Variants in VWA2 observed in about 807,000 individuals in gnomAD.
VWA2 encodes von Willebrand factor A domain-containing protein 2.
A neutral mutation model predicts 70.4 loss-of-function variants in VWA2; 73 were observed. The observed-to-expected ratio is 1.04, with a 90% confidence interval of 0.86 to 1.26. The LOEUF (loss-of-function observed/expected upper bound fraction) is 1.26. Among genes scored for constraint, VWA2 ranks in the 50% most tolerant of loss-of-function variants. The pLI is 0.00. For missense variants in VWA2, 1,011 were observed against 998.5 expected (o/e 1.01, Z -0.17); for synonymous variants, 407 against 423.3 (o/e 0.96, Z 0.47).
At chr10:114,277,852 A>G (rs2037883228) in intron 6 of VWA2, 62 bp from the exon 7 acceptor site, 10 of 1,537,818 alleles carry the variant, frequency 6.5e-6, no homozygotes, top group Non-Finnish European at 8.8e-6. Flanking sequence ...ACGGCCTAGA[A>G]GATGAGGGGG....
intron 2 of VWA2, among the ~76,000 whole-genome samples, chr10:114,253,430 A>G (rs74652100): frequency 0.012 from 1,762 of 142,026 alleles, 32 homozygotes; most frequent in African/African-American, 0.045. Context: ...CTTTGTCTTC[A>G]AACTACCCAC....
intron 12 of VWA2, 101 bp from the exon 13 acceptor site, chr10:114,290,139 C>G: frequency 6.8e-7 from 1 of 1,464,506 alleles, no homozygotes; most frequent in Non-Finnish European, 9.2e-7. Flanking sequence ...GGAGACATGA[C>G]TCTAGTAGCC....
chr10:114,277,407 C>T (rs1157180098), intron 6 of VWA2, among the ~76,000 whole-genome samples: 1 of 152,040 alleles, frequency 6.6e-6, no homozygotes, highest in Non-Finnish European at 1.5e-5. Context: ...TGGTCCCAAA[C>T]TCCTGACCTC....
chr10:114,280,283 A>G (rs1820159731), intron 8 of VWA2, among the ~76,000 whole-genome samples: 1 of 152,186 alleles, frequency 6.6e-6, no homozygotes, highest in East Asian at 1.9e-4. Context: ...GTCCTGGGAA[A>G]TCAGCACCAG....
chr10:114,272,818 G>GC lies in VWA2; in HGVS notation c.454dup (p.Gln152ProfsTer8), dbSNP rs745631572. Reference sequence around the variant, plus strand: ...TGCCTGGAGGCAGAAATGCTTCTGTGCCCCAGATCCTCATCATCGTCACTG... The same window carrying GC: ...TGCCTGGAGGCAGAAATGCTTCTGTGCCCCCAGATCCTCATCATCGTCACTG... On this transcript the variant is annotated frameshift_variant, in exon 6 of 14. Transcript: ENST00000392982. LOFTEE classifies it high-confidence loss of function. 2 of 1,613,946 alleles carry GC rather than the reference G, an allele frequency of 1.2e-6. No individual in the cohort carries two copies. The highest frequency in any genetic ancestry group is 1.7e-6 in the Non-Finnish European group (2 of 1,179,964).
At chr10:114,247,612 A>T (rs2037100918) in intron 1 of VWA2, among the ~76,000 whole-genome samples, 1 of 152,172 alleles carries the variant, frequency 6.6e-6, no homozygotes, top group Admixed American at 6.5e-5. Flanking sequence ...TTTTTAAAAA[A>T]CACTGGAGTC....
At chr10:114,287,977 C>T (rs1487686580) in intron 11 of VWA2, among the ~76,000 whole-genome samples, 2 of 152,188 alleles carry the variant, frequency 1.3e-5, no homozygotes, top group Non-Finnish European at 2.9e-5. Flanking sequence ...GTTTCTCAGA[C>T]GTTCCTGGTG....
At chr10:114,290,864 GAGAAA>G (rs1218849774) in intron 13 of VWA2, among the ~76,000 whole-genome samples, 1 of 152,186 alleles carries the variant, frequency 6.6e-6, no homozygotes, top group Non-Finnish European at 1.5e-5. Flanking sequence ...AGAGGTTTGA[GAGAAA>G]AGAAGTCATT....
chr10:114,277,773 G>A, intron 6 of VWA2, 141 bp from the exon 7 acceptor site: 1 of 1,109,698 alleles, frequency 9.0e-7, no homozygotes, highest in Non-Finnish European at 1.2e-6. Flanking sequence ...CCGGTTAACT[G>A]TTTTCCTCAC....
At chr10:114,261,622 C>T (rs1008281872) in intron 5 of VWA2, among the ~76,000 whole-genome samples, 1 of 152,120 alleles carries the variant, frequency 6.6e-6, no homozygotes, top group African/African-American at 2.4e-5. Context: ...AGTCTTAATC[C>T]CATTTCTGTC....
chr10:114,260,870 C>CATCTTT (rs1170368027), intron 4 of VWA2, among the ~76,000 whole-genome samples: 2 of 152,170 alleles, frequency 1.3e-5, no homozygotes, highest in East Asian at 3.9e-4. Context: ...TAAAAGTGAG[C>CATCTTT]AGAGACCCAG....
rs569535162 is a variant in VWA2, at chr10:114,270,588, C to T, written c.372-2152C>T. Among the ~76,000 whole-genome samples, 27 of 152,202 alleles carry T rather than the reference C, an allele frequency of 1.8e-4. 1 individual carries two copies. The South Asian group carries it at 5.4e-3, about 30-fold the overall frequency. Reference sequence around the variant, plus strand: ...TGTCTGGCACAAAGTAAAATGTCAGCGCTAATATTATCCTTTAGAAATGGA... The same window carrying T: ...TGTCTGGCACAAAGTAAAATGTCAGTGCTAATATTATCCTTTAGAAATGGA... On this transcript the variant is annotated intron_variant, in intron 5 of 13. Transcript: ENST00000392982.
intron 1 of VWA2, among the ~76,000 whole-genome samples, chr10:114,242,638 C>T (rs766184684): frequency 1.1e-4 from 16 of 151,962 alleles, no homozygotes; most frequent in Non-Finnish European, 1.5e-4. Flanking sequence ...ATCTGTGTAC[C>T]GCGTACTTCT....
intron 5 of VWA2, among the ~76,000 whole-genome samples, chr10:114,267,638 C>T (rs185657748): frequency 2.0e-3 from 302 of 148,950 alleles, no homozygotes; most frequent in African/African-American, 6.9e-3. Context: ...GATGAGGTTT[C>T]GCCATGTTAG....
At position 114,293,067 on chromosome 10, in the gene VWA2, G is replaced by C. The variant is rs1415260057; in HGVS notation, c.*1830G>C. On this transcript the variant is annotated 3_prime_UTR_variant, in exon 14 of 14. Coordinates refer to ENST00000392982, the MANE Select transcript of VWA2 (RefSeq NM_001272046.2). The stretch of plus-strand genomic sequence containing the variant: ...ATAGACAAACATTCAAGGGTACTTT[G>C]GCTTTAAGAACTTCAGGATTTCTGG... 4.6e-5 allele frequency among the ~76,000 whole-genome samples: 7 copies of C among 152,146 alleles called. No homozygotes were observed. The South Asian group carries it at 8.3e-4, about 18-fold the overall frequency.
chr10:114,289,382 G>T lies in VWA2; in HGVS notation c.2015G>T (p.Ser672Ile), dbSNP rs1476282679. ...VLVVGVGPVL[S>I]EGLRRLAGPR... ...GTCGTGGGCGTGGGGCCTGTCCTAA[G>T]TGAGGGTCTGCGGAGGCTTGCAGGT... Residue 672 changes from serine to isoleucine, a missense_variant, in exon 12 of 14, where the codon AGT (serine) becomes ATT (isoleucine). Ser to Ile is a moderately radical substitution (Grantham distance 142). Transcript: ENST00000392982. 1.2e-6 allele frequency: 2 copies of T among 1,613,264 alleles called. No individual in the cohort carries two copies. Among genetic ancestry groups the T allele is most frequent in the Admixed American group, 3.3e-5 (2 of 59,994 alleles).
chr10:114,242,476 T>C (rs1324660335), intron 1 of VWA2, among the ~76,000 whole-genome samples: 3 of 152,246 alleles, frequency 2.0e-5, no homozygotes, highest in East Asian at 3.9e-4. Context: ...TGTGTACCAG[T>C]GCCTCTGCAT....
chr10:114,263,269 C>A (rs2037484054), intron 5 of VWA2, among the ~76,000 whole-genome samples: 1 of 151,942 alleles, frequency 6.6e-6, no homozygotes, highest in Admixed American at 6.6e-5. Flanking sequence ...CCTGTCTTGC[C>A]CTCCCAAGGT....
chr10:114,249,255 TTTTA>T (rs776291694), intron 2 of VWA2, among the ~76,000 whole-genome samples: 72 of 152,096 alleles, frequency 4.7e-4, no homozygotes, highest in Non-Finnish European at 8.5e-4. Context: ...CTCCCACTTA[TTTTA>T]TTTATTTATT....
Sources: allele counts gnomAD v4.1 joint callset (sites outside exome capture counted in the v4.1 genomes callset), GRCh38; gene constraint gnomAD v4.1.1; transcripts MANE v1.5; gene names NCBI Gene and HGNC (gene_info 2026-07-23, HGNC 2026-07-21).